Variants in CFAP46 observed in about 807,000 individuals in gnomAD.
The protein encoded by CFAP46 is cilia and flagella associated protein 46.
A neutral mutation model predicts 325.7 loss-of-function variants in CFAP46; 245 were observed. The ratio of observed to expected loss-of-function variants is 0.75; its 90% CI spans 0.68 to 0.84. The LOEUF is 0.84. Ranked by LOEUF, CFAP46 falls within the 40% of genes least tolerant of loss-of-function variation. The pLI is 0.00. For synonymous variants in CFAP46, 1,523 were observed against 1,495.9 expected (o/e 1.02, Z -0.42); for missense variants, 3,346 against 3,543.0 (o/e 0.94, Z 1.41).
chr10:132,858,162 G>A (rs562357654), intron 38 of CFAP46, among the ~76,000 whole-genome samples: 5 of 152,334 alleles, frequency 3.3e-5, no homozygotes, highest in South Asian at 4.1e-4. Flanking sequence ...CTTCCCTCGC[G>A]CAGGCTTCTA....
chr10:132,809,211 T>TGCGGCCTTGCAGGAAGCA (rs1847529990), intron 57 of CFAP46, among the ~76,000 whole-genome samples: 1 of 152,188 alleles, frequency 6.6e-6, no homozygotes, highest in Non-Finnish European at 1.5e-5. Context: ...AGAGTGTGGC[T>TGCGGCCTTGCAGGAAGCA]GCGGCCTTGC....
Position 132,934,744 on chromosome 10 carries a change from A to G in CFAP46, c.866+8T>C. On this transcript the variant is annotated splice_region_variant and intron_variant, in intron 8 of 57. Transcript: ENST00000368586. ...AAGATGTGATATTGGAAAAATACAA[A>G]CACTTACTTTTCTTCACTGATAGAG... The G allele has an allele frequency of 6.5e-7, 1 of 1,531,114 alleles. No individual in the cohort carries two copies. The highest frequency in any genetic ancestry group is 9.0e-7 in the Non-Finnish European group (1 of 1,108,384). 94.8% of individuals were successfully genotyped at this position (1,531,114 alleles called of 1,614,324 possible).
intron 50 of CFAP46, among the ~76,000 whole-genome samples, chr10:132,831,658 TTTGAACGCTGAA>T (rs56111716): frequency 0.39 from 58,625 of 151,890 alleles, 12,607 homozygotes; most frequent in Admixed American, 0.54. Flanking sequence ...GGAAGCATAT[TTTGAACGCTGAA>T]TTTTCATTTA....
intron 39 of CFAP46, among the ~76,000 whole-genome samples, chr10:132,856,179 C>T (rs528176044): frequency 1.9e-4 from 29 of 152,356 alleles, no homozygotes; most frequent in Non-Finnish European, 3.8e-4. Flanking sequence ...ACTGCTTCTG[C>T]AGGAAGCTGC....
Position 132,835,345 on chromosome 10 carries a change from CCTGGGTCTGCTTCCGGAACTG to C in CFAP46, c.6682_6702del (p.Gln2228_Gln2234del). On this transcript the variant is annotated inframe_deletion, in exon 47 of 58. Coordinates refer to ENST00000368586, the MANE Select transcript of CFAP46 (RefSeq NM_001200049.3). The stretch of plus-strand genomic sequence containing the variant: ...GCCATGTCCTCACTGTACACCTGGG[CCTGGGTCTGCTTCCGGAACTG>C]CTGGGCACAGGCCAGCAGGTGGGAG... 5.6e-6 allele frequency: 9 copies of C among 1,613,652 alleles called. No homozygotes were observed. Among genetic ancestry groups the C allele is most frequent in the Non-Finnish European group, 7.6e-6 (9 of 1,179,940 alleles).
chr10:132,938,504 C>A (rs1274983934), intron 5 of CFAP46, 85 bp downstream of exon 5: 36 of 333,098 alleles, frequency 1.1e-4, no homozygotes, highest in Admixed American at 5.9e-4. Context: ...GAACTCCCGT[C>A]CCCCCCCCGG....
chr10:132,894,802 T>C (rs1352484480), intron 24 of CFAP46, among the ~76,000 whole-genome samples: 1 of 152,050 alleles, frequency 6.6e-6, no homozygotes, highest in East Asian at 1.9e-4. Flanking sequence ...TAATAAGAGA[T>C]TAAATTAGTA....
chr10:132,935,916 CTG>C (rs1367584664), intron 7 of CFAP46, among the ~76,000 whole-genome samples: 10 of 135,138 alleles, frequency 7.4e-5, no homozygotes, highest in Non-Finnish European at 4.9e-5. Context: ...TCCAAACACA[CTG>C]TGATCTCCTC....
intron 50 of CFAP46, among the ~76,000 whole-genome samples, chr10:132,818,326 A>G (rs1002321741): frequency 6.6e-6 from 1 of 152,102 alleles, no homozygotes; most frequent in Non-Finnish European, 1.5e-5. Flanking sequence ...GTTAGGTGGA[A>G]ACGTGAAAGG....
chr10:132,836,144 C>T lies in CFAP46; in HGVS notation c.6611G>A (p.Gly2204Glu). ...TAAKGKVQAV[G>E]GSCKVMRLAI... ...CCCTCCCCTGCAGCCCTGCTCACCT[C>T]CCACCGCCTGCACCTTTCCTTTGGC... Residue 2204 changes from glycine (G) to glutamate (E), a missense_variant and splice_region_variant, in exon 46 of 58, where the codon GGA (glycine) becomes GAA (glutamate). Physicochemically the swap from Gly to Glu is moderately conservative, Grantham distance 98. Coordinates refer to ENST00000368586, the MANE Select transcript of CFAP46 (RefSeq NM_001200049.3). The T allele has an allele frequency of 1.2e-6, 2 of 1,605,900 alleles. No individual in the cohort carries two copies. The highest frequency in any genetic ancestry group is 1.7e-6 in the Non-Finnish European group (2 of 1,178,454).
chr10:132,837,602 G>GAC (rs77025562), intron 44 of CFAP46, among the ~76,000 whole-genome samples: 59,155 of 106,848 alleles, frequency 0.55, 17,027 homozygotes, highest in Admixed American at 0.64. Context: ...GATGCGCACG[G>GAC]ACACACGCAC....
chr10:132,869,249 C>T lies in CFAP46; in HGVS notation c.4610+25G>A, dbSNP rs115596378. 1.1e-3 allele frequency: 1,578 copies of T among 1,494,734 alleles called. 20 individuals carry two copies. The African/African-American group carries it at 0.019, about 18-fold the overall frequency. The allele number at this position is 1,494,734 out of a possible 1,614,324, so 92.6% of individuals were successfully genotyped here. A position where few individuals can be genotyped will look rare whatever the true frequency, so the allele number is the denominator to read the frequency against. On this transcript the variant is annotated intron_variant, in intron 33 of 57. Transcript: ENST00000368586. This position sits in a 1 kb window ranked among gnomAD's most constrained non-coding sequence, Gnocchi z 6.2. ...CCAAGGGCGAGACTCAAACCCCAGG[C>T]GGCGCAGGGTGGGACGGCACACACC... is the stretch of plus-strand genomic sequence containing the variant.
At chr10:132,918,771 T>C (rs1325719933) in intron 15 of CFAP46, among the ~76,000 whole-genome samples, 1 of 152,108 alleles carries the variant, frequency 6.6e-6, no homozygotes, top group Non-Finnish European at 1.5e-5. Context: ...TCCCTGCAGA[T>C]GCTCTTGGCA....
rs1240160524 is a variant in CFAP46, at chr10:132,939,639, G to C, written c.372-886C>G. Among the ~76,000 whole-genome samples the C allele has an allele frequency of 6.6e-6, 1 of 152,166 alleles. No individual in the cohort carries two copies. Among genetic ancestry groups the C allele is most frequent in the East Asian group, 1.9e-4 (1 of 5,176 alleles). ...GTGACCCTAGGACAGGACTCATCCT[G>C]TTTCCAGGTTTTCAGGAGAGGAGCG... On this transcript the variant is annotated intron_variant, in intron 4 of 57. Coordinates refer to ENST00000368586, the MANE Select transcript of CFAP46 (RefSeq NM_001200049.3). This position sits in a 1 kb window ranked among gnomAD's most constrained non-coding sequence, Gnocchi z 4.6.
At chr10:132,931,420 TC>T (rs1248054595) in intron 8 of CFAP46, among the ~76,000 whole-genome samples, 1 of 125,528 alleles carries the variant, frequency 8.0e-6, no homozygotes, top group Non-Finnish European at 1.6e-5. Flanking sequence ...AGCCTGGGCC[TC>T]CCCACACTCT....
intron 22 of CFAP46, among the ~76,000 whole-genome samples, chr10:132,904,518 G>A (rs1187032728): frequency 6.6e-6 from 1 of 152,210 alleles, no homozygotes; most frequent in Non-Finnish European, 1.5e-5. Context: ...CCTTTTCCCT[G>A]TCACCATATG....
intron 56 of CFAP46, chr10:132,810,729 G>A (rs1447993244): frequency 3.0e-5 from 22 of 724,164 alleles, no homozygotes; most frequent in Middle Eastern, 3.3e-4. Flanking sequence ...GCGCTGTGGG[G>A]ACCCGGCTCC....
intron 8 of CFAP46, among the ~76,000 whole-genome samples, chr10:132,933,174 C>T (rs567078322): frequency 1.1e-4 from 16 of 152,304 alleles, no homozygotes; most frequent in East Asian, 7.7e-4. Flanking sequence ...GGGTGGGGTG[C>T]GGACGCTTCT....
At chr10:132,823,719 G>A (rs1202307353) in intron 50 of CFAP46, among the ~76,000 whole-genome samples, 3 of 135,022 alleles carry the variant, frequency 2.2e-5, no homozygotes, top group Non-Finnish European at 3.1e-5. Flanking sequence ...GCTGACGTGT[G>A]CTGTGTGCTG....
Sources: gnomAD v4.1 joint callset for allele counts (sites outside exome capture counted in the v4.1 genomes callset) on GRCh38, gnomAD v4.1.1 for gene constraint, Gnocchi (gnomAD v3.1) non-coding constraint, MANE v1.5 for transcripts, NCBI Gene and HGNC (gene_info 2026-07-23, HGNC 2026-07-21) for gene names.